Variants in NOL4 observed in about 807,000 individuals in gnomAD.
The protein encoded by NOL4 is nucleolar protein 4.
In NOL4, 17 loss-of-function variants were observed where a neutral mutation model predicts 75.9. The observed-to-expected ratio is 0.22, with a 90% CI of 0.15 to 0.34. The LOEUF is 0.34. Among genes scored for constraint, NOL4 ranks in the 10% least tolerant of loss-of-function variants. The probability of loss-of-function intolerance (pLI) is 1.00; values close to 1 mark genes in which losing one functional copy is unlikely to be tolerated. For synonymous variants in NOL4, 292 were observed against 289.9 expected, an observed-to-expected ratio of 1.01 and a Z score of -0.07; for missense variants, 614 against 793.5, an observed-to-expected ratio of 0.77 and a Z score of 2.72.
chr18:34,084,044 T>C (rs984632462), intron 5 of NOL4, among the ~76,000 whole-genome samples: 2 of 152,206 alleles, frequency 1.3e-5, no homozygotes, highest in African/African-American at 4.8e-5. Flanking sequence ...CTTCTTCCTC[T>C]GGAAGTTTTT....
At chr18:34,119,606 G>A (rs1361469656) in intron 2 of NOL4, among the ~76,000 whole-genome samples, 1 of 151,932 alleles carries the variant, frequency 6.6e-6, no homozygotes, top group South Asian at 2.1e-4. Flanking sequence ...CCAGTCAGGA[G>A]TATCTGGGTT....
At position 34,034,446 on chromosome 18, in the gene NOL4, AC is replaced by A. The variant is rs2075787916; in HGVS notation, c.773-14846del. Among the ~76,000 whole-genome samples, 5 of 152,278 alleles carry A rather than the reference AC, an allele frequency of 3.3e-5. No homozygotes were observed. In the South Asian group the frequency reaches 1.0e-3, roughly 32 times the overall value. ...GGAGAAAGATATTCCACACAAGAAA[AC>A]CAAAAGGGAAGCCAGACACGGTGGC... is the stretch of plus-strand genomic sequence containing the variant. On this transcript the variant is annotated intron_variant, in intron 5 of 10. Coordinates refer to ENST00000261592, the MANE Select transcript of NOL4 (RefSeq NM_003787.5).
chr18:34,130,380 ATATT>A (rs1315776375), intron 1 of NOL4, among the ~76,000 whole-genome samples: 1 of 152,008 alleles, frequency 6.6e-6, no homozygotes, highest in East Asian at 1.9e-4. Context: ...TAAATTCTAG[ATATT>A]TATTAATTCA....
chr18:33,887,036 T>G (rs1362999020), intron 9 of NOL4, among the ~76,000 whole-genome samples: 1 of 140,190 alleles, frequency 7.1e-6, no homozygotes, highest in Non-Finnish European at 1.5e-5. Flanking sequence ...TCTAGATATA[T>G]TATATCTAGA....
chr18:34,192,283 T>C (rs190738096), intron 1 of NOL4, among the ~76,000 whole-genome samples: 1 of 152,242 alleles, frequency 6.6e-6, no homozygotes, highest in Admixed American at 6.5e-5. Flanking sequence ...AAAACATCCA[T>C]AGTACCCAAA....
chr18:34,160,173 C>G (rs903623716), intron 1 of NOL4, among the ~76,000 whole-genome samples: 2 of 152,080 alleles, frequency 1.3e-5, no homozygotes, highest in Non-Finnish European at 2.9e-5. Flanking sequence ...TTGCAAGAAA[C>G]TCTATTGTTC....
chr18:33,923,846 C>A (rs1450749837), intron 9 of NOL4, among the ~76,000 whole-genome samples: 1 of 151,986 alleles, frequency 6.6e-6, no homozygotes, highest in East Asian at 1.9e-4. Flanking sequence ...GCATCTAAAC[C>A]TTTCTTTTGT....
chr18:33,870,482 T>C (rs1288310646), intron 10 of NOL4, among the ~76,000 whole-genome samples: 1 of 151,970 alleles, frequency 6.6e-6, no homozygotes, highest in Non-Finnish European at 1.5e-5. Context: ...CAATTAATAT[T>C]TTACAAGAAA....
At chr18:33,977,678 G>A (rs2071609981) in intron 6 of NOL4, among the ~76,000 whole-genome samples, 1 of 152,140 alleles carries the variant, frequency 6.6e-6, no homozygotes, top group South Asian at 2.1e-4. Context: ...GTTTAACTGA[G>A]ATAATATCTG....
intron 1 of NOL4, among the ~76,000 whole-genome samples, chr18:34,181,786 TAA>T (rs1411624988): frequency 2.0e-5 from 3 of 151,508 alleles, no homozygotes; most frequent in Non-Finnish European, 4.4e-5. Context: ...AAACATCCAA[TAA>T]ACACATTAAA....
At chr18:34,148,093 G>C (rs1373219568) in intron 1 of NOL4, among the ~76,000 whole-genome samples, 2 of 151,928 alleles carry the variant, frequency 1.3e-5, no homozygotes, top group Non-Finnish European at 2.9e-5. Context: ...GTGTCTGTTT[G>C]ATTCTTCTCT....
chr18:34,162,416 A>G (rs1031238046), intron 1 of NOL4, among the ~76,000 whole-genome samples: 1 of 152,230 alleles, frequency 6.6e-6, no homozygotes, highest in Non-Finnish European at 1.5e-5. Context: ...ATCACTACCA[A>G]TCCCACAGAA....
chr18:33,853,828 A>G (rs1416633900), intron 10 of NOL4, among the ~76,000 whole-genome samples: 1 of 152,040 alleles, frequency 6.6e-6, no homozygotes, highest in African/African-American at 2.4e-5. Flanking sequence ...TTTTTCTTAC[A>G]TATTTAAGCC....
intron 5 of NOL4, among the ~76,000 whole-genome samples, chr18:34,029,579 G>A (rs2075530173): frequency 6.6e-6 from 1 of 152,034 alleles, no homozygotes; most frequent in Non-Finnish European, 1.5e-5. Flanking sequence ...ATAATCTGTG[G>A]CCTTTTCTCT....
chr18:34,114,387 C>T (rs907125774), intron 2 of NOL4, among the ~76,000 whole-genome samples: 1 of 152,094 alleles, frequency 6.6e-6, no homozygotes, highest in Admixed American at 6.6e-5. Context: ...CTTGATCTCT[C>T]TTAACTAAGC....
intron 6 of NOL4, among the ~76,000 whole-genome samples, chr18:33,971,821 A>C (rs1377187): frequency 0.03 from 4,587 of 152,178 alleles, 222 homozygotes; most frequent in African/African-American, 0.11. Context: ...AAATTTATGA[A>C]TCCTACAAAC....
intron 6 of NOL4, among the ~76,000 whole-genome samples, chr18:33,983,036 C>T (rs1469690243): frequency 6.6e-6 from 1 of 151,950 alleles, no homozygotes; most frequent in Non-Finnish European, 1.5e-5. Flanking sequence ...AGGTGTGTGC[C>T]ACTGTGCCCA....
chr18:33,975,340 A>C (rs2071407058), intron 6 of NOL4, among the ~76,000 whole-genome samples: 1 of 152,256 alleles, frequency 6.6e-6, no homozygotes, highest in South Asian at 2.1e-4. Flanking sequence ...CAGAAATAAA[A>C]TATTTTCATT....
chr18:34,223,286 C>T lies in NOL4; in HGVS notation c.-33G>A. 6.2e-7 allele frequency: 1 copy of T among 1,607,212 alleles called. No individual in the cohort carries two copies. Among genetic ancestry groups the T allele is most frequent in the South Asian group, 1.1e-5 (1 of 90,838 alleles). On this transcript the variant is annotated 5_prime_UTR_variant, in exon 1 of 11. Transcript: ENST00000261592. Reference sequence around the variant, plus strand: ...GCGCTCGGCCGCTGGCCGGATGCTCCCAGCGCACTTCGCACCTGTTCACCC... The same window carrying T: ...GCGCTCGGCCGCTGGCCGGATGCTCTCAGCGCACTTCGCACCTGTTCACCC...
Sources: gnomAD v4.1 joint callset for allele counts (sites outside exome capture counted in the v4.1 genomes callset) on GRCh38, gnomAD v4.1.1 for gene constraint, MANE v1.5 for transcripts, NCBI Gene and HGNC (gene_info 2026-07-23, HGNC 2026-07-21) for gene names.